ZKSCAN7: variants seen among roughly 807,000 people sequenced by gnomAD.
The protein encoded by ZKSCAN7 is zinc finger with KRAB and SCAN domains 7.
In ZKSCAN7, 38 loss-of-function variants were observed where a neutral mutation model predicts 65.3. That is an observed-to-expected ratio of 0.58 (90% CI 0.45 to 0.76). The LOEUF (loss-of-function observed/expected upper bound fraction) is 0.76. Among genes scored for constraint, ZKSCAN7 ranks in the 30% least tolerant of loss-of-function variants. The pLI, the probability that ZKSCAN7 is intolerant of heterozygous loss-of-function variation, is 0.00. For missense variants in ZKSCAN7, 815 were observed against 913.3 expected, an observed-to-expected ratio of 0.89 and a Z score of 1.39; for synonymous variants, 321 against 321.0, an observed-to-expected ratio of 1.00 and a Z score of 0.00.
In ZKSCAN7 at chr3:44,565,578, G is replaced by A. The variant is rs777796616; in HGVS notation, c.515G>A (p.Ser172Asn). Reference sequence around the variant, plus strand: ...GAATCTCCTCCTACCTCACCCCTCAGTGGGGGCTCAGCCCCTGGAGCCCAC... The same window carrying A: ...GAATCTCCTCCTACCTCACCCCTCAATGGGGGCTCAGCCCCTGGAGCCCAC... ...TKESPPTSPL[S>N]GGSAPGAHLE... Residue 172 changes from serine (S) to asparagine (N), a missense_variant, in exon 3 of 6, where the codon AGT becomes AAT. Coordinates refer to ENST00000426540, the MANE Select transcript of ZKSCAN7 (RefSeq NM_001288590.2). The A allele has an allele frequency of 4.3e-6, 7 of 1,612,888 alleles. No homozygotes were observed. The East Asian group carries it at 1.1e-4, about 26-fold the overall frequency.
At position 44,565,655 on chromosome 3, in the gene ZKSCAN7, G is replaced by A. The variant is rs767013855; in HGVS notation, c.592G>A (p.Ala198Thr). 1.6e-5 allele frequency: 26 copies of A among 1,588,390 alleles called. No individual in the cohort carries two copies. The highest frequency in any genetic ancestry group is 6.9e-5 in the South Asian group (6 of 87,116). The change falls in exon 3 of 6, where the codon GCT (alanine) becomes ACT (threonine). Residue 198 changes from alanine (A) to threonine (T), a missense_variant and splice_region_variant. By Grantham distance (58) the Ala-to-Thr change is moderately conservative (BLOSUM62 0). Transcript: ENST00000426540. ...GTHHLPSGDF[A>T]QCTSPVPTLP... The stretch of plus-strand genomic sequence containing the variant: ...ACACCACCTCCCCAGTGGGGACTTC[G>A]GTACTTATCTCCCCAGCTTTGGCCT...
Position 44,570,642 on chromosome 3 carries a change from C to T in ZKSCAN7, c.1532C>T (p.Ala511Val). ...GCATTCATTCGAAGCAAAAGTCTTG[C>T]TCGACATCAGGTCCTGCACACTGGT... The part of the protein sequence containing the change: ...GEAFIRSKSL[A>V]RHQVLHTGKK... The change falls in exon 6 of 6, where the codon GCT becomes GTT. Residue 511 changes from alanine (A) to valine (V), a missense_variant. Ala to Val is a moderately conservative substitution (Grantham distance 64). This residue lies in a region of ZKSCAN7 where 578 missense variants were observed against 629.5 expected (regional missense o/e 0.92). Transcript: ENST00000426540. 1 of 1,613,692 alleles carries T rather than the reference C, an allele frequency of 6.2e-7. No homozygotes were observed. The highest frequency in any genetic ancestry group is 2.2e-5 in the East Asian group (1 of 44,844).
At chr3:44,575,205 A>T (rs557935465), downstream of ZKSCAN7, among the ~76,000 whole-genome samples, 4 of 152,246 alleles carry the variant, frequency 2.6e-5, no homozygotes, top group Non-Finnish European at 5.9e-5. Flanking sequence ...CTGAGGCAGG[A>T]GGATTGCCCG....
At chr3:44,558,139 G>GT (rs1173824120) in intron 2 of ZKSCAN7, among the ~76,000 whole-genome samples, 1 of 152,096 alleles carries the variant, frequency 6.6e-6, no homozygotes, top group Admixed American at 6.6e-5. Context: ...TTCAGTCAGG[G>GT]TTTAGCCAGA....
rs150074246 is a variant in ZKSCAN7, at chr3:44,568,364, C to T, written c.742C>T (p.Leu248Phe). 20 of 1,614,028 alleles carry T rather than the reference C, an allele frequency of 1.2e-5. No individual in the cohort carries two copies. The African/African-American group carries it at 2.4e-4, about 19-fold the overall frequency. The change falls in exon 5 of 6, where the codon CTC (leucine) becomes TTC (phenylalanine). Residue 248 changes from leucine (L) to phenylalanine (F), a missense_variant. By Grantham distance (22) the Leu-to-Phe change is conservative (BLOSUM62 0). Coordinates refer to ENST00000426540, the MANE Select transcript of ZKSCAN7 (RefSeq NM_001288590.2). The stretch of plus-strand genomic sequence containing the variant: ...CTACACTCAGAAGAAATGGAAAAGT[C>T]TCACACTCAGTCAGAGAGCCCTGCA... The part of the protein sequence containing the change: ...VDYTQKKWKS[L>F]TLSQRALQWN...
At position 44,570,997 on chromosome 3, in the gene ZKSCAN7, C is replaced by A. The variant is rs1699790930; in HGVS notation, c.1887C>A (p.His629Gln). 2.5e-6 allele frequency: 4 copies of A among 1,614,176 alleles called. No individual in the cohort carries two copies. Among genetic ancestry groups the A allele is most frequent in the Non-Finnish European group, 3.4e-6 (4 of 1,180,038 alleles). ...SKCLIRHQRL[H>Q]TGEKPYKCNE... ...GTCTTATTCGGCACCAGAGACTTCACACGGGTGAAAAGCCCTATAAATGCA... is the reference window on the plus strand; with the variant it reads ...GTCTTATTCGGCACCAGAGACTTCAAACGGGTGAAAAGCCCTATAAATGCA... The change falls in exon 6 of 6, where the codon CAC (histidine) becomes CAA (glutamine). Residue 629 changes from histidine to glutamine, a missense_variant. Coordinates refer to ENST00000426540, the MANE Select transcript of ZKSCAN7 (RefSeq NM_001288590.2).
At chr3:44,561,977 C>G (rs963498594) in intron 2 of ZKSCAN7, among the ~76,000 whole-genome samples, 1 of 152,254 alleles carries the variant, frequency 6.6e-6, no homozygotes, top group Non-Finnish European at 1.5e-5. Flanking sequence ...TGGCCCTCTT[C>G]TCACAGCTCC....
chr3:44,566,001 C>T (rs1258109032), intron 3 of ZKSCAN7, among the ~76,000 whole-genome samples: 2 of 152,130 alleles, frequency 1.3e-5, no homozygotes, highest in Non-Finnish European at 2.9e-5. Context: ...TGATATCTAT[C>T]CTCAAGCATT....
In ZKSCAN7 at chr3:44,570,340, C is replaced by G. The variant is rs886618717; in HGVS notation, c.1230C>G (p.Pro410=). 3.1e-6 allele frequency: 5 copies of G among 1,613,544 alleles called. No homozygotes were observed. In the African/African-American group the frequency reaches 6.7e-5, roughly 22 times the overall value. ...GHQRIHTGEK[P]YECNECGKTF... ...AGAGAATCCACACTGGAGAGAAACC[C>G]TATGAGTGTAATGAGTGTGGGAAGA... The change falls in exon 6 of 6, where the codon CCC becomes CCG. Residue 410 remains proline (P), a synonymous_variant. Coordinates refer to ENST00000426540, the MANE Select transcript of ZKSCAN7 (RefSeq NM_001288590.2).
In ZKSCAN7 at chr3:44,557,432, G is replaced by T; in HGVS notation, c.385G>T (p.Val129Leu). Residue 129 changes from valine to leucine, a missense_variant, in exon 2 of 6, where the codon GTG becomes TTG. Transcript: ENST00000426540. ...GAGTGGTGAGGAGGCTGTGGCTGTGGTGGAGGATTTCCAGAGACACCTCAG... is the reference window on the plus strand; with the variant it reads ...GAGTGGTGAGGAGGCTGTGGCTGTGTTGGAGGATTTCCAGAGACACCTCAG... ...PESGEEAVAVVEDFQRHLSGS... is the reference protein window; with the variant it reads ...PESGEEAVAVLEDFQRHLSGS... 3 of 1,614,220 alleles carry T rather than the reference G, an allele frequency of 1.9e-6. No homozygotes were observed. Among genetic ancestry groups the T allele is most frequent in the Non-Finnish European group, 1.7e-6 (2 of 1,180,040 alleles).
intron 5 of ZKSCAN7, among the ~76,000 whole-genome samples, chr3:44,579,025 G>A (rs937231255): frequency 6.6e-6 from 1 of 152,204 alleles, no homozygotes; most frequent in Non-Finnish European, 1.5e-5. Context: ...CGTGTGTGGA[G>A]AGCCGGTCAC....
chr3:44,575,612 T>C (rs556066849), downstream of ZKSCAN7, among the ~76,000 whole-genome samples: 3 of 152,238 alleles, frequency 2.0e-5, no homozygotes, highest in Non-Finnish European at 4.4e-5. Flanking sequence ...AGTTTCACTC[T>C]TGTTGCCCAG....
In ZKSCAN7 at chr3:44,560,717, C is replaced by T. The variant is rs541174137; in HGVS notation, c.423+3247C>T. On this transcript the variant is annotated intron_variant, in intron 2 of 5. Coordinates refer to ENST00000426540, the MANE Select transcript of ZKSCAN7 (RefSeq NM_001288590.2). ...TAGAGACAGGGTTTCACCATGTTAGCCAGAATGGTTTCGATCTCCTGACCT... is the reference window on the plus strand; with the variant it reads ...TAGAGACAGGGTTTCACCATGTTAGTCAGAATGGTTTCGATCTCCTGACCT... Among the ~76,000 whole-genome samples, 7 of 152,148 alleles carry T rather than the reference C, an allele frequency of 4.6e-5. No homozygotes were observed. In the East Asian group the frequency reaches 1.2e-3, roughly 25 times the overall value.
Position 44,557,470 on chromosome 3 carries a change from G to C in ZKSCAN7, c.423G>C (p.Glu141Asp). 3 of 1,614,154 alleles carry C rather than the reference G, an allele frequency of 1.9e-6. No individual in the cohort carries two copies. Among genetic ancestry groups the C allele is most frequent in the Non-Finnish European group, 2.5e-6 (3 of 1,180,018 alleles). ...AGAGACACCTCAGTGGATCAGAGGA[G>C]GTGAGCAGTTGAGTCTAGAATGGCG... ...DFQRHLSGSE[E>D]VSAPAQKQEM... Residue 141 changes from glutamate (E) to aspartate (D), a missense_variant and splice_region_variant, in exon 2 of 6, where the codon GAG (glutamate) becomes GAC (aspartate). Glu to Asp is a conservative substitution (Grantham distance 45). Around this residue, in one of 3 missense-constraint regions of ZKSCAN7, gnomAD observed 227 missense variants for 253.3 expected, o/e 0.90. Transcript: ENST00000426540.
intron 5 of ZKSCAN7, among the ~76,000 whole-genome samples, 200 bp downstream of exon 5, chr3:44,568,633 T>C (rs541228233): frequency 2.6e-5 from 4 of 152,326 alleles, no homozygotes; most frequent in South Asian, 4.1e-4. Flanking sequence ...TGAATTGATA[T>C]AGTGTGGTTT....
At chr3:44,578,298 T>G in intron 5 of ZKSCAN7, 1 of 1,587,066 alleles carries the variant, frequency 6.3e-7, no homozygotes, top group Non-Finnish European at 8.7e-7. Context: ...AGGTACTGTA[T>G]TTCCGATTCC....
rs567588565 is a variant in ZKSCAN7, at chr3:44,558,890, C to T, written c.423+1420C>T. The stretch of plus-strand genomic sequence containing the variant: ...AGCCTCCTGGCTCAAGTGATCCTCC[C>T]ACCTTAGCCTCCTGAGTAGCTGGTA... On this transcript the variant is annotated intron_variant, in intron 2 of 5. Coordinates refer to ENST00000426540, the MANE Select transcript of ZKSCAN7 (RefSeq NM_001288590.2). Among the ~76,000 whole-genome samples the T allele has an allele frequency of 1.3e-3, 195 of 150,628 alleles. 1 individual carries two copies. The highest frequency in any genetic ancestry group is 4.2e-3 in the African/African-American group (172 of 40,968).
chr3:44,568,610 C>G (rs927594285), intron 5 of ZKSCAN7, 177 bp downstream of exon 5: 1 of 901,232 alleles, frequency 1.1e-6, no homozygotes, highest in Non-Finnish European at 1.6e-6. Flanking sequence ...TCAGCATACT[C>G]TTCACCTCAT....
intron 2 of ZKSCAN7, among the ~76,000 whole-genome samples, chr3:44,564,199 T>C (rs974642187): frequency 3.9e-5 from 6 of 152,238 alleles, no homozygotes; most frequent in Non-Finnish European, 8.8e-5. Context: ...AGGAGCTGGT[T>C]TGATGACAAT....
Sources: allele counts gnomAD v4.1 joint callset (sites outside exome capture counted in the v4.1 genomes callset), GRCh38; gene constraint gnomAD v4.1.1; regional missense constraint gnomAD v4.1.1; transcripts MANE v1.5; gene names NCBI Gene and HGNC (gene_info 2026-07-23, HGNC 2026-07-21).